EYA2: variants seen among roughly 807,000 people sequenced by gnomAD.
EYA2 encodes EYA transcriptional coactivator and phosphatase 2.
EYA2 carries 31 observed loss-of-function variants against 69.2 expected under a neutral mutation model. The observed-to-expected ratio is 0.45, with a 90% CI of 0.34 to 0.60. The LOEUF (loss-of-function observed/expected upper bound fraction) is 0.60. Among genes scored for constraint, EYA2 ranks in the 20% least tolerant of loss-of-function variants. The pLI, the probability that EYA2 is intolerant of heterozygous loss-of-function variation, is 0.02. For missense variants in EYA2, 622 were observed against 701.2 expected (o/e 0.89, Z 1.28); for synonymous variants, 257 against 279.4 (o/e 0.92, Z 0.80).
At chr20:46,921,176 G>A (rs946688178) in intron 1 of EYA2, among the ~76,000 whole-genome samples, 22 of 152,260 alleles carry the variant, frequency 1.4e-4, no homozygotes, top group African/African-American at 5.1e-4. Context: ...ACACAGGGCT[G>A]TGGAGACTTG....
chr20:47,014,502 G>A (rs553185922), intron 4 of EYA2, among the ~76,000 whole-genome samples: 1 of 152,302 alleles, frequency 6.6e-6, no homozygotes, highest in African/African-American at 2.4e-5. Context: ...TGGAGAGAAT[G>A]TCACCTACAA....
chr20:46,943,754 T>C (rs923499401), intron 1 of EYA2, among the ~76,000 whole-genome samples: 1 of 152,208 alleles, frequency 6.6e-6, no homozygotes, highest in Non-Finnish European at 1.5e-5. Flanking sequence ...CCCGCCTTGC[T>C]CATCTCCAAA....
At chr20:46,903,374 A>G (rs1405315053) in intron 1 of EYA2, among the ~76,000 whole-genome samples, 1 of 152,198 alleles carries the variant, frequency 6.6e-6, no homozygotes, top group African/African-American at 2.4e-5. Flanking sequence ...CTGAAACCGC[A>G]CTAGGCATAT....
intron 5 of EYA2, among the ~76,000 whole-genome samples, chr20:47,041,147 G>A (rs1402184616): frequency 1.3e-5 from 2 of 152,156 alleles, no homozygotes; most frequent in African/African-American, 2.4e-5. Context: ...CCGCCCCTGC[G>A]AGTTAGAATT....
Position 47,021,941 on chromosome 20 carries a change from A to G in EYA2, c.415+5644A>G, listed in dbSNP as rs76917637. Among the ~76,000 whole-genome samples, 879 of 152,296 alleles carry G rather than the reference A, an allele frequency of 5.8e-3. 12 individuals carry two copies. Among genetic ancestry groups the G allele is most frequent in the African/African-American group, 0.02 (846 of 41,560 alleles). On this transcript the variant is annotated intron_variant, in intron 5 of 15. Transcript: ENST00000327619. ...ACCTTGGACAAGTCACAAAGCCTTC[A>G]TGATCTGTGTTCCACAGTTCTAGTG...
chr20:47,162,319 C>T (rs2034084743), intron 10 of EYA2, among the ~76,000 whole-genome samples: 1 of 152,064 alleles, frequency 6.6e-6, no homozygotes, highest in African/African-American at 2.4e-5. Flanking sequence ...TCCTCTCTGC[C>T]TCGTTTTCTC....
intron 10 of EYA2, among the ~76,000 whole-genome samples, chr20:47,149,207 C>G (rs997394011): frequency 6.6e-6 from 1 of 152,010 alleles, no homozygotes; most frequent in Non-Finnish European, 1.5e-5. Context: ...AAAGATGATT[C>G]CAAATTTCAG....
chr20:47,029,770 C>G (rs1984300080), intron 5 of EYA2, among the ~76,000 whole-genome samples: 1 of 152,210 alleles, frequency 6.6e-6, no homozygotes. Flanking sequence ...TTCTACAACA[C>G]ATAATTGAAC....
intron 1 of EYA2, chr20:46,978,707 G>A: frequency 1.9e-6 from 1 of 534,092 alleles, no homozygotes. Context: ...AGGCCCCGGT[G>A]GCCCCAGGGA....
chr20:47,080,446 G>A (rs1475694533), intron 7 of EYA2, among the ~76,000 whole-genome samples: 1 of 111,244 alleles, frequency 9.0e-6, no homozygotes, highest in East Asian at 3.4e-4. Flanking sequence ...AGGGAGGGGG[G>A]AGGGAGGGAA....
intron 10 of EYA2, chr20:47,167,133 G>A: frequency 6.5e-6 from 1 of 154,724 alleles, no homozygotes; most frequent in Non-Finnish European, 1.5e-5. Context: ...CAGAAACCCA[G>A]CTCCACTCAC....
At chr20:46,931,122 C>A (rs1324647717) in intron 1 of EYA2, among the ~76,000 whole-genome samples, 1 of 152,140 alleles carries the variant, frequency 6.6e-6, no homozygotes, top group African/African-American at 2.4e-5. Context: ...CTTGAGTCAC[C>A]CTGCCAGCTA....
chr20:47,117,462 C>T (rs780221614), intron 9 of EYA2: 6 of 985,110 alleles, frequency 6.1e-6, no homozygotes, highest in Admixed American at 6.2e-5. Flanking sequence ...GCTCCTCGAC[C>T]GGCTCCTCTG....
intron 13 of EYA2, 94 bp from the exon 14 acceptor site, chr20:47,180,721 C>T: frequency 6.7e-7 from 1 of 1,497,130 alleles, no homozygotes; most frequent in South Asian, 1.3e-5. Context: ...TCCAAGCCTA[C>T]CAGATTTCCC....
chr20:47,024,357 C>G lies in EYA2; in HGVS notation c.415+8060C>G, dbSNP rs1983954904. Among the ~76,000 whole-genome samples the G allele has an allele frequency of 2.0e-5, 3 of 152,190 alleles. No homozygotes were observed. In the East Asian group the frequency reaches 5.8e-4, roughly 29 times the overall value. On this transcript the variant is annotated intron_variant, in intron 5 of 15. Transcript: ENST00000327619. ...ACTGAGGCAAACCCTTCTGAGTATT[C>G]TACCCAATGCCCCATGAATTGTGAG...
chr20:46,944,820 AG>A (rs970567977), intron 1 of EYA2, among the ~76,000 whole-genome samples: 7 of 152,176 alleles, frequency 4.6e-5, no homozygotes, highest in Non-Finnish European at 1.0e-4. Context: ...TTTTAAAAAG[AG>A]GCCACATGTT....
At chr20:47,067,083 C>T (rs2031139133) in intron 5 of EYA2, among the ~76,000 whole-genome samples, 1 of 152,076 alleles carries the variant, frequency 6.6e-6, no homozygotes, top group Non-Finnish European at 1.5e-5. Context: ...TTCAGCTGAC[C>T]CTGGGTCACA....
chr20:46,947,614 C>T (rs1406455046), intron 1 of EYA2, among the ~76,000 whole-genome samples: 2 of 152,344 alleles, frequency 1.3e-5, no homozygotes, highest in South Asian at 2.1e-4. Context: ...TCCTGCTCCA[C>T]GTTTGCCCTG....
At chr20:47,153,292 A>G (rs910791892) in intron 10 of EYA2, among the ~76,000 whole-genome samples, 2 of 151,990 alleles carry the variant, frequency 1.3e-5, no homozygotes, top group East Asian at 2.0e-4. Flanking sequence ...CAGTGATGTC[A>G]TAGGTAATGA....
Sources: allele counts gnomAD v4.1 joint callset (sites outside exome capture counted in the v4.1 genomes callset), GRCh38; gene constraint gnomAD v4.1.1; transcripts MANE v1.5; gene names NCBI Gene and HGNC (gene_info 2026-07-23, HGNC 2026-07-21).